Variants in NLRP12 observed in about 807,000 individuals in gnomAD.
NLRP12 encodes NACHT, LRR and PYD domains-containing protein 12.
NLRP12 carries 108 observed loss-of-function variants against 91.2 expected under a neutral mutation model. The observed-to-expected ratio is 1.18, with a 90% CI of 1.01 to 1.39. The LOEUF is 1.39. NLRP12 is among the 40% of genes most tolerant of loss of function. The pLI, the probability that NLRP12 is intolerant of heterozygous loss-of-function variation, is 0.00. For missense variants in NLRP12, 1,530 were observed against 1,352.7 expected, an observed-to-expected ratio of 1.13 and a Z score of -2.06; for synonymous variants, 613 against 566.7, an observed-to-expected ratio of 1.08 and a Z score of -1.16.
Position 53,811,197 on chromosome 19 carries a change from G to C in NLRP12, c.462C>G (p.Ser154Arg). The C allele has an allele frequency of 6.2e-7, 1 of 1,614,154 alleles. No homozygotes were observed. Among genetic ancestry groups the C allele is most frequent in the South Asian group, 1.1e-5 (1 of 91,092 alleles). Residue 154 changes from serine (S) to arginine (R), a missense_variant, in exon 3 of 10, where the codon AGC becomes AGG. By Grantham distance (110) the Ser-to-Arg change is moderately radical. Coordinates refer to ENST00000324134, the MANE Select transcript of NLRP12 (RefSeq NM_144687.4). ...NARLGECVNL[S>R]HRYTRLLLVK... is the part of the protein sequence containing the mutation. ...CCAGCAGGAGCCGGGTGTACCGGTG[G>C]CTGAGGTTGACACATTCCCCTAGGC...
chr19:53,808,571 T>G (rs552646453), intron 3 of NLRP12: 1 of 152,040 alleles, frequency 6.6e-6, no homozygotes, highest in African/African-American at 2.4e-5. Flanking sequence ...ATTAGCTGGG[T>G]GTGGTGGCAC....
rs373285006 is a variant in NLRP12, at chr19:53,807,555, C to T, written c.2183G>A (p.Arg728Gln). The change falls in exon 4 of 10, where the codon CGG becomes CAG. Residue 728 changes from arginine (R) to glutamine (Q), a missense_variant. Transcript: ENST00000324134. ...TCCTTGACAGAGCAGCTTCACCCCC[C>T]GGCTGCCCAGGGCATTTCGGTACAG... ...LSLYRNALGSRGVKLLCQGLR... is the reference protein window; with the variant it reads ...LSLYRNALGSQGVKLLCQGLR... 80 of 1,613,996 alleles carry T rather than the reference C, an allele frequency of 5.0e-5. No individual in the cohort carries two copies. The highest frequency in any genetic ancestry group is 4.9e-4 in the Middle Eastern group (3 of 6,084).
intron 6 of NLRP12, 45 bp from the exon 7 acceptor site, chr19:53,801,442 CTTTTTCT>C (rs1333763466): frequency 8.4e-6 from 11 of 1,304,834 alleles, no homozygotes; most frequent in Middle Eastern, 2.8e-4. Flanking sequence ...GCTTTCCTTT[CTTTTTCT>C]TTTTTTTTTT....
chr19:53,809,195 C>T (rs2092010912), intron 3 of NLRP12, among the ~76,000 whole-genome samples: 1 of 146,330 alleles, frequency 6.8e-6, no homozygotes, highest in African/African-American at 2.5e-5. Context: ...CACTGCACAC[C>T]AGCCTAGGAG....
Position 53,810,486 on chromosome 19 carries a change from C to T in NLRP12, c.1173G>A (p.Val391=), listed in dbSNP as rs2092050426. The change falls in exon 3 of 10, where the codon GTG becomes GTA. Residue 391 remains valine, a synonymous_variant. Transcript: ENST00000324134. ...AEQAGQVFNY[V]RDNEPLFTMC... ...TGGTGAAGAGAGGCTCGTTGTCCCTCACGTAATTGAAGACTTGGCCCGCCT... is the reference window on the plus strand; with the variant it reads ...TGGTGAAGAGAGGCTCGTTGTCCCTTACGTAATTGAAGACTTGGCCCGCCT... The T allele has an allele frequency of 6.2e-7, 1 of 1,614,118 alleles. No individual in the cohort carries two copies. The highest frequency in any genetic ancestry group is 8.5e-7 in the Non-Finnish European group (1 of 1,180,032).
In NLRP12 at chr19:53,811,228, T is replaced by C; in HGVS notation, c.431A>G (p.Asn144Ser). Reference protein sequence around the residue: ...RRKFRLMEDRNARLGECVNLS... With the variant: ...RRKFRLMEDRSARLGECVNLS... ...GTTGACACATTCCCCTAGGCGCGCA[T>C]TGCGGTCTTCCATGAGCCGGAATTT... The change falls in exon 3 of 10, where the codon AAT becomes AGT. Residue 144 changes from asparagine (N) to serine (S), a missense_variant. Coordinates refer to ENST00000324134, the MANE Select transcript of NLRP12 (RefSeq NM_144687.4). 2.5e-6 allele frequency: 4 copies of C among 1,613,906 alleles called. No individual in the cohort carries two copies. The highest frequency in any genetic ancestry group is 1.3e-5 in the African/African-American group (1 of 75,032).
intron 1 of NLRP12, among the ~76,000 whole-genome samples, chr19:53,819,940 T>C (rs11670732): frequency 0.9 from 135,696 of 151,528 alleles, 60,929 homozygotes; most frequent in Non-Finnish European, 0.93. Flanking sequence ...CAAACAAGTG[T>C]CTTTGGTTTT....
rs146786265 is a variant in NLRP12, at chr19:53,794,089, G to T, written c.3146C>A (p.Ala1049Glu). 1.2e-6 allele frequency: 2 copies of T among 1,613,894 alleles called. No individual in the cohort carries two copies. The highest frequency in any genetic ancestry group is 1.7e-6 in the Non-Finnish European group (2 of 1,179,840). Residue 1049 changes from alanine to glutamate, a missense_variant, in exon 10 of 10, where the codon GCG becomes GAG. Ala to Glu is a moderately radical substitution (Grantham distance 107). Transcript: ENST00000324134. ...LNKMTHSRLA[A>E]LRVTKPYLDI... is the part of the protein sequence containing the mutation. Reference sequence around the variant, plus strand: ...CAAATAAGGTTTTGTTACTCGAAGCGCTGCCAACCTACTGTGGGTCATTTT... The same window carrying T: ...CAAATAAGGTTTTGTTACTCGAAGCTCTGCCAACCTACTGTGGGTCATTTT...
intron 2 of NLRP12, among the ~76,000 whole-genome samples, chr19:53,811,569 G>A (rs2092077912): frequency 6.6e-6 from 1 of 151,416 alleles, no homozygotes; most frequent in Non-Finnish European, 1.5e-5. Flanking sequence ...TAGGTTATAA[G>A]ACTGGCTAAT....
intron 8 of NLRP12, among the ~76,000 whole-genome samples, chr19:53,797,719 C>G (rs1477057270): frequency 6.7e-6 from 1 of 148,902 alleles, no homozygotes; most frequent in African/African-American, 2.5e-5. Context: ...TGCCCAGCCT[C>G]TTTTGTAATT....
intron 1 of NLRP12, among the ~76,000 whole-genome samples, chr19:53,817,185 T>G (rs2092173816): frequency 6.6e-6 from 1 of 151,710 alleles, no homozygotes; most frequent in Non-Finnish European, 1.5e-5. Flanking sequence ...TCCCAGCAAT[T>G]TGGGAGGCCG....
rs1160039078 is a variant in NLRP12, at chr19:53,813,299, CTTTTTTTTTTTT to C, written c.370+1597_370+1608del. Among the ~76,000 whole-genome samples the C allele has an allele frequency of 3.0e-4, 26 of 86,012 alleles. No individual in the cohort carries two copies. The East Asian group carries it at 7.9e-3, about 26-fold the overall frequency. The allele number at this position is 86,012 out of a possible 152,430, so 56.4% of individuals were successfully genotyped here. A position where few individuals can be genotyped will look rare whatever the true frequency, so the allele number is the denominator to read the frequency against. The stretch of plus-strand genomic sequence containing the variant: ...TGCTATTCTTTTTTTTTTTTCTTTT[CTTTTTTTTTTTT>C]TTTTTTTTTGAGACAGAGTCTTGCT... On this transcript the variant is annotated intron_variant, in intron 2 of 9. Transcript: ENST00000324134.
intron 8 of NLRP12, 124 bp from the exon 9 acceptor site, chr19:53,796,153 G>T (rs773024061): frequency 1.1e-6 from 1 of 881,642 alleles, no homozygotes. Flanking sequence ...TGCAACCTCC[G>T]CCTCCCAGGT....
At chr19:53,795,502 G>A (rs1370439110) in intron 9 of NLRP12, among the ~76,000 whole-genome samples, 1 of 151,650 alleles carries the variant, frequency 6.6e-6, no homozygotes, top group Non-Finnish European at 1.5e-5. Flanking sequence ...AGCCTCCTGA[G>A]TAGCTGGGAC....
At position 53,824,233 on chromosome 19, in the gene NLRP12, G is replaced by T; in HGVS notation, c.-59C>A. The T allele has an allele frequency of 1.9e-6, 3 of 1,545,550 alleles. No individual in the cohort carries two copies. Among genetic ancestry groups the T allele is most frequent in the South Asian group, 1.1e-5 (1 of 89,456 alleles). On this transcript the variant is annotated 5_prime_UTR_variant, in exon 1 of 10. Transcript: ENST00000324134. ...GAGGCTGAGATGCTCCTATGCACGG[G>T]ACACAGGGCGACCCCAGCACACCTT...
In NLRP12 at chr19:53,803,965, G is replaced by T. The variant is rs766678083; in HGVS notation, c.2572C>A (p.Leu858Ile). The T allele has an allele frequency of 6.8e-5, 110 of 1,613,968 alleles. No homozygotes were observed. In the Middle Eastern group the frequency reaches 9.9e-4, roughly 14 times the overall value. ...GGAAGAACTCACCACAAAGTCCGTA[G>T]TCTGCAGACTGGGTGCCTCAGTCCC... Reference protein sequence around the residue: ...CQGLRHPVCRLRTLWLKICRL... With the variant: ...CQGLRHPVCRIRTLWLKICRL... Residue 858 changes from leucine to isoleucine, a missense_variant, in exon 6 of 10, where the codon CTA (leucine) becomes ATA (isoleucine). By Grantham distance (5) the Leu-to-Ile change is conservative. Coordinates refer to ENST00000324134, the MANE Select transcript of NLRP12 (RefSeq NM_144687.4).
intron 2 of NLRP12, 136 bp downstream of exon 2, chr19:53,814,772 A>C (rs1366927713): frequency 2.6e-6 from 2 of 754,942 alleles, no homozygotes; most frequent in African/African-American, 3.4e-5. Flanking sequence ...GAAACACAGG[A>C]GGAAACTGCC....
intron 4 of NLRP12, among the ~76,000 whole-genome samples, chr19:53,807,006 T>A (rs2091970474): frequency 6.6e-6 from 1 of 152,124 alleles, no homozygotes; most frequent in African/African-American, 2.4e-5. Context: ...TGTCTTGGAC[T>A]TCCAGCAGCC....
chr19:53,803,812 G>A, intron 6 of NLRP12, 140 bp downstream of exon 6: 2 of 784,210 alleles, frequency 2.6e-6, no homozygotes, highest in Non-Finnish European at 4.3e-6. Context: ...GACCTCAGAT[G>A]ATCTGCCCTC....
Sources: allele counts gnomAD v4.1 joint callset (sites outside exome capture counted in the v4.1 genomes callset), GRCh38; gene constraint gnomAD v4.1.1; transcripts MANE v1.5; gene names NCBI Gene and HGNC (gene_info 2026-07-23, HGNC 2026-07-21).